Variants in COPS5 observed in about 807,000 individuals in gnomAD.
COPS5 encodes the protein COP9 signalosome complex subunit 5.
In COPS5, 8 loss-of-function variants were observed where a neutral mutation model predicts 44.4. The observed-to-expected ratio is 0.18, with a 90% CI of 0.11 to 0.32. The LOEUF (loss-of-function observed/expected upper bound fraction) is 0.32, where lower values mean the gene tolerates loss of function less well. COPS5 is among the 10% of genes least tolerant of loss of function. The pLI is 1.00. For missense variants in COPS5, 159 were observed against 406.4 expected (o/e 0.39, Z 5.23); for synonymous variants, 122 against 142.8 (o/e 0.85, Z 1.04).
At chr8:67,056,647 AAAAAAATATATATATATATAT>A (rs1585714877) in intron 4 of COPS5, 43 bp from the exon 5 acceptor site, 4 of 91,430 alleles carry the variant, frequency 4.4e-5, no homozygotes, top group African/African-American at 1.1e-4. Flanking sequence ...AAAAAAAAAA[AAAAAAATATATATATATATAT>A]ATATATATAT....
Position 67,056,518 on chromosome 8 carries a change from C to T in COPS5, c.659+1G>A. 8.3e-7 allele frequency: 1 copy of T among 1,198,810 alleles called. No homozygotes were observed. Among genetic ancestry groups the T allele is most frequent in the Non-Finnish European group, 1.2e-6 (1 of 835,988 alleles). 74.3% of individuals were successfully genotyped at this position (1,198,810 alleles called of 1,614,324 possible). Reference sequence around the variant, plus strand: ...CCCAGATATGTTTTTAAATTACTTACTGTTTGCAGTGTACACCAAAATCTT... The same window carrying T: ...CCCAGATATGTTTTTAAATTACTTATTGTTTGCAGTGTACACCAAAATCTT... On this transcript the variant is annotated splice_donor_variant, in intron 5 of 7. Transcript: ENST00000357849. LOFTEE classifies it high-confidence loss of function.
In COPS5 at chr8:67,043,247, T is replaced by C; in HGVS notation, c.991A>G (p.Ile331Val). 6.4e-7 allele frequency: 1 copy of C among 1,566,576 alleles called. No homozygotes were observed. Among genetic ancestry groups the C allele is most frequent in the Non-Finnish European group, 8.8e-7 (1 of 1,139,478 alleles). The change falls in exon 8 of 8, where the codon ATT becomes GTT. Residue 331 changes from isoleucine (I) to valine (V), a missense_variant. Physicochemically the swap from Ile to Val is conservative, Grantham distance 29. Coordinates refer to ENST00000357849, the MANE Select transcript of COPS5 (RefSeq NM_006837.3). The stretch of plus-strand genomic sequence containing the variant: ...TCAGAGACTGTTTAAGAGATGTTAA[T>C]TTGATTAAACAGTTTATCCTTAATA... ...QVIKDKLFNQ[I>V]NIS
At chr8:67,045,375 AC>A (rs1816686972) in intron 7 of COPS5, 1 of 152,958 alleles carries the variant, frequency 6.5e-6, no homozygotes, top group Admixed American at 6.5e-5. Flanking sequence ...AATCGCTTGA[AC>A]CCGGTAGGCG....
intron 6 of COPS5, chr8:67,048,001 C>T (rs1430239680): frequency 4.4e-5 from 29 of 664,642 alleles, no homozygotes; most frequent in East Asian, 1.9e-4. Flanking sequence ...AGATACTGGG[C>T]GCCGTGGCTC....
Position 67,059,420 on chromosome 8 carries a change from TTTTGCAG to T in COPS5, c.162_168del (p.Tyr54Ter). ...ATCTTCAGCAGAGCCAATGCTGAGA[TTTTGCAG>T]TACTTAAAGTAATGGTGACTGCAAA... On this transcript the variant is annotated frameshift_variant, in exon 2 of 8. Coordinates refer to ENST00000357849, the MANE Select transcript of COPS5 (RefSeq NM_006837.3). LOFTEE classifies it high-confidence loss of function. The T allele has an allele frequency of 6.2e-7, 1 of 1,613,968 alleles. No individual in the cohort carries two copies. Among genetic ancestry groups the T allele is most frequent in the East Asian group, 2.2e-5 (1 of 44,884 alleles).
intron 6 of COPS5, among the ~76,000 whole-genome samples, chr8:67,046,905 G>C (rs1329205978): frequency 2.1e-5 from 3 of 145,248 alleles, no homozygotes; most frequent in Non-Finnish European, 4.5e-5. Flanking sequence ...GGAAAATGTA[G>C]AGCAATATAA....
chr8:67,048,732 A>G (rs972353494), intron 6 of COPS5, among the ~76,000 whole-genome samples: 3 of 152,020 alleles, frequency 2.0e-5, no homozygotes, highest in African/African-American at 7.2e-5. Flanking sequence ...AAAAAAAAAA[A>G]AAATTCCAGT....
chr8:67,059,414 C>T lies in COPS5; in HGVS notation c.175G>A (p.Ala59Thr). The change falls in exon 2 of 8, where the codon GCA becomes ACA. Residue 59 changes from alanine (A) to threonine (T), a missense_variant. By Grantham distance (58) the Ala-to-Thr change is moderately conservative. Coordinates refer to ENST00000357849, the MANE Select transcript of COPS5 (RefSeq NM_006837.3). ...ATCACCATCTTCAGCAGAGCCAATG[C>T]TGAGATTTTGCAGTACTTAAAGTAA... ...HHYFKYCKIS[A>T]LALLKMVMHA... The T allele has an allele frequency of 1.2e-6, 2 of 1,614,124 alleles. No homozygotes were observed. The highest frequency in any genetic ancestry group is 1.7e-6 in the Non-Finnish European group (2 of 1,179,974).
At chr8:67,050,307 T>A (rs1349069863) in intron 6 of COPS5, among the ~76,000 whole-genome samples, 1 of 152,232 alleles carries the variant, frequency 6.6e-6, no homozygotes, top group Non-Finnish European at 1.5e-5. Context: ...GGCCTCTTTT[T>A]TTTTCTCCTA....
In COPS5 at chr8:67,056,655, ATAT is replaced by A. The variant is rs1804514582; in HGVS notation, c.574-54_574-52del. The A allele has an allele frequency of 1.3e-3, 15 of 11,394 alleles. 3 individuals carry two copies. The highest frequency in any genetic ancestry group is 4.8e-3 in the African/African-American group (14 of 2,936). 0.7% of individuals were successfully genotyped at this position (11,394 alleles called of 1,614,324 possible). On this transcript the variant is annotated intron_variant, in intron 4 of 7. Coordinates refer to ENST00000357849, the MANE Select transcript of COPS5 (RefSeq NM_006837.3). Reference sequence around the variant, plus strand: ...GATTAAGAAAAAAAAAAAAAAAAATATATATATATATATATATATATATATATA... The same window carrying A: ...GATTAAGAAAAAAAAAAAAAAAAATAATATATATATATATATATATATATA...
intron 5 of COPS5, among the ~76,000 whole-genome samples, chr8:67,052,525 C>T (rs904525768): frequency 9.3e-5 from 14 of 149,968 alleles, no homozygotes; most frequent in African/African-American, 2.9e-4. Flanking sequence ...TCAAGCGATT[C>T]TCCTGCCTCA....
intron 5 of COPS5, among the ~76,000 whole-genome samples, chr8:67,055,677 C>G (rs942270293): frequency 3.3e-5 from 5 of 151,986 alleles, no homozygotes; most frequent in African/African-American, 1.2e-4. Flanking sequence ...ACCAGCCTGG[C>G]CAACACGGTG....
At chr8:67,056,136 G>T (rs144284929) in intron 5 of COPS5, among the ~76,000 whole-genome samples, 1 of 152,118 alleles carries the variant, frequency 6.6e-6, no homozygotes, top group East Asian at 1.9e-4. Context: ...CAAATGACAT[G>T]CTAGTTTGAA....
rs757004120 is a variant in COPS5 at position 67,056,513 on chromosome 8, A to G, written c.659+6T>C. 8 of 1,123,192 alleles carry G rather than the reference A, an allele frequency of 7.1e-6. No individual in the cohort carries two copies. The South Asian group carries it at 1.1e-4, about 16-fold the overall frequency. 69.6% of individuals were successfully genotyped at this position (1,123,192 alleles called of 1,614,324 possible). A position where few individuals can be genotyped will look rare whatever the true frequency, so the allele number is the denominator to read the frequency against. On this transcript the variant is annotated splice_donor_region_variant and intron_variant, in intron 5 of 7. Coordinates refer to ENST00000357849, the MANE Select transcript of COPS5 (RefSeq NM_006837.3). ...CCTGGCCCAGATATGTTTTTAAATT[A>G]CTTACTGTTTGCAGTGTACACCAAA...
chr8:67,046,600 C>T (rs1816702169), intron 6 of COPS5, among the ~76,000 whole-genome samples: 1 of 151,906 alleles, frequency 6.6e-6, no homozygotes, highest in Admixed American at 6.6e-5. Context: ...GCAGTTGGAT[C>T]ACCTGAGGTC....
Position 67,051,333 on chromosome 8 carries a change from G to A in COPS5, c.668C>T (p.Ala223Val). The change falls in exon 6 of 8, where the codon GCC becomes GTC. Residue 223 changes from alanine (A) to valine (V), a missense_variant. Ala to Val is a moderately conservative substitution (Grantham distance 64). Coordinates refer to ENST00000357849, the MANE Select transcript of COPS5 (RefSeq NM_006837.3). ...DFGVHCKQYY[A>V]LEVSYFKSSL... ...GGATTTGAAATATGAGACTTCTAAGGCATAATATCTATGAAATAAAAGCAT... is the reference window on the plus strand; with the variant it reads ...GGATTTGAAATATGAGACTTCTAAGACATAATATCTATGAAATAAAAGCAT... The A allele has an allele frequency of 6.3e-7, 1 of 1,582,430 alleles. No individual in the cohort carries two copies. The highest frequency in any genetic ancestry group is 8.6e-7 in the Non-Finnish European group (1 of 1,159,134).
chr8:67,050,061 C>T (rs1396719592), intron 6 of COPS5, among the ~76,000 whole-genome samples: 6 of 148,402 alleles, frequency 4.0e-5, no homozygotes, highest in South Asian at 2.1e-4. Context: ...AGTGCAGTAG[C>T]GCGATCTCGG....
chr8:67,047,351 TG>T (rs1816714557), intron 6 of COPS5, among the ~76,000 whole-genome samples: 1 of 152,218 alleles, frequency 6.6e-6, no homozygotes. Context: ...TCATTTGGTC[TG>T]GATCTAAATG....
At chr8:67,056,423 G>T in intron 5 of COPS5, 96 bp downstream of exon 5, 1 of 418,932 alleles carries the variant, frequency 2.4e-6, no homozygotes, top group Non-Finnish European at 4.6e-6. Context: ...TCGAATTCCT[G>T]TCCTCAAGCA....
Sources: gnomAD v4.1 joint callset for allele counts (sites outside exome capture counted in the v4.1 genomes callset) on GRCh38, gnomAD v4.1.1 for gene constraint, MANE v1.5 for transcripts, NCBI Gene and HGNC (gene_info 2026-07-23, HGNC 2026-07-21) for gene names.